ZEB1: variants seen among roughly 807,000 people sequenced by gnomAD.
ZEB1 encodes zinc finger E-box binding homeobox 1, also known as zinc finger E-box-binding homeobox 1.
ZEB1 carries 21 observed loss-of-function variants against 84.9 expected under a neutral mutation model. That is an observed-to-expected ratio of 0.25 (90% CI 0.18 to 0.36). The LOEUF (loss-of-function observed/expected upper bound fraction) is 0.36. Ranked by LOEUF, ZEB1 falls within the 10% of genes least tolerant of loss-of-function variation. The pLI is 1.00. For synonymous variants in ZEB1, 420 were observed against 471.1 expected (o/e 0.89, Z 1.41); for missense variants, 1,104 against 1,330.2 (o/e 0.83, Z 2.65).
chr10:31,448,423 A>G (rs1414474744), intron 1 of ZEB1, among the ~76,000 whole-genome samples: 66 of 145,682 alleles, frequency 4.5e-4, no homozygotes, highest in African/African-American at 1.4e-3. Context: ...CGTCAAAGTC[A>G]TTCTCCATCC....
At chr10:31,340,704 T>G (rs990835674) in intron 1 of ZEB1, among the ~76,000 whole-genome samples, 3 of 152,120 alleles carry the variant, frequency 2.0e-5, no homozygotes, top group African/African-American at 7.2e-5. Context: ...CAGACACTTG[T>G]ATAAAGCATG....
intron 1 of ZEB1, among the ~76,000 whole-genome samples, chr10:31,371,059 A>T (rs2045612349): frequency 6.6e-6 from 1 of 152,168 alleles, no homozygotes. Flanking sequence ...GAATATATTT[A>T]AGATTATATA....
intron 1 of ZEB1, among the ~76,000 whole-genome samples, chr10:31,340,870 G>A (rs1299042625): frequency 2.6e-5 from 4 of 151,886 alleles, no homozygotes; most frequent in African/African-American, 9.7e-5. Context: ...AGGGCCCAGG[G>A]GAATAGGAAG....
intron 3 of ZEB1, among the ~76,000 whole-genome samples, chr10:31,497,621 G>T (rs2067434783): frequency 6.6e-6 from 1 of 152,092 alleles, no homozygotes; most frequent in South Asian, 2.1e-4. Context: ...CTTTGCTTTT[G>T]TTACTTCCTT....
chr10:31,446,603 G>A (rs1417121613), intron 1 of ZEB1, among the ~76,000 whole-genome samples: 1 of 151,578 alleles, frequency 6.6e-6, no homozygotes, highest in East Asian at 1.9e-4. Flanking sequence ...AGAGATTCTG[G>A]TATGTTGTGT....
At chr10:31,449,888 G>A (rs546300052) in intron 1 of ZEB1, among the ~76,000 whole-genome samples, 28 of 152,254 alleles carry the variant, frequency 1.8e-4, no homozygotes, top group Non-Finnish European at 3.7e-4. Flanking sequence ...TCATCATTGT[G>A]ATAACCATGT....
chr10:31,360,694 GT>G (rs1564580084), intron 1 of ZEB1, among the ~76,000 whole-genome samples: 1 of 152,154 alleles, frequency 6.6e-6, no homozygotes, highest in Non-Finnish European at 1.5e-5. Flanking sequence ...ATGGAAAACA[GT>G]TTTTTTATCC....
At chr10:31,341,332 A>C (rs2133586403) in intron 1 of ZEB1, among the ~76,000 whole-genome samples, 1 of 152,104 alleles carries the variant, frequency 6.6e-6, no homozygotes, top group East Asian at 1.9e-4. Context: ...ATAAATAGTA[A>C]ATTTAGTAGG....
chr10:31,466,431 A>G (rs1476330197), intron 2 of ZEB1, among the ~76,000 whole-genome samples: 1 of 152,266 alleles, frequency 6.6e-6, no homozygotes. Flanking sequence ...CAACAGTGGC[A>G]TGAAACCATA....
intron 1 of ZEB1, among the ~76,000 whole-genome samples, chr10:31,410,802 T>C (rs2054094707): frequency 6.6e-6 from 1 of 152,218 alleles, no homozygotes; most frequent in Non-Finnish European, 1.5e-5. Context: ...TAGAGGTGTT[T>C]ATAGTATTCT....
At chr10:31,325,902 T>A (rs2035372686) in intron 1 of ZEB1, among the ~76,000 whole-genome samples, 1 of 151,708 alleles carries the variant, frequency 6.6e-6, no homozygotes, top group African/African-American at 2.4e-5. Flanking sequence ...ATATTCTGAT[T>A]TCCCTTACTC....
At chr10:31,422,181 G>A (rs1050879194) in intron 1 of ZEB1, among the ~76,000 whole-genome samples, 3 of 152,266 alleles carry the variant, frequency 2.0e-5, no homozygotes, top group African/African-American at 7.2e-5. Flanking sequence ...TTTTCATCTT[G>A]AAGCCCTGTA....
At chr10:31,323,898 C>G (rs960092883) in intron 1 of ZEB1, among the ~76,000 whole-genome samples, 1 of 151,530 alleles carries the variant, frequency 6.6e-6, no homozygotes, top group African/African-American at 2.4e-5. Flanking sequence ...TTATCTTGAA[C>G]TAAGTAGGTA....
chr10:31,473,185 C>G (rs902996079), intron 2 of ZEB1, among the ~76,000 whole-genome samples: 11 of 151,286 alleles, frequency 7.3e-5, no homozygotes, highest in Non-Finnish European at 1.6e-4. Flanking sequence ...TCCTATTCAA[C>G]ATAGTGTTGG....
intron 5 of ZEB1, among the ~76,000 whole-genome samples, chr10:31,512,678 T>C (rs1486814285): frequency 6.6e-6 from 1 of 152,172 alleles, no homozygotes; most frequent in Non-Finnish European, 1.5e-5. Context: ...GTCCCTGATA[T>C]TAGGGACCAT....
intron 1 of ZEB1, among the ~76,000 whole-genome samples, chr10:31,386,936 A>G (rs1216546322): frequency 6.6e-6 from 1 of 152,180 alleles, no homozygotes; most frequent in Admixed American, 6.5e-5. Flanking sequence ...TTTGGGTCTA[A>G]GGAGTAATAT....
At chr10:31,442,976 G>C (rs559054937) in intron 1 of ZEB1, among the ~76,000 whole-genome samples, 7 of 152,152 alleles carry the variant, frequency 4.6e-5, no homozygotes, top group Non-Finnish European at 8.8e-5. Context: ...TTGAAGTATA[G>C]AGGGACTGAG....
At chr10:31,482,922 T>C (rs1430720454) in intron 2 of ZEB1, among the ~76,000 whole-genome samples, 1 of 152,048 alleles carries the variant, frequency 6.6e-6, no homozygotes, top group Non-Finnish European at 1.5e-5. Context: ...ATGTCAGATA[T>C]CTTGCCCCAA....
intron 2 of ZEB1, among the ~76,000 whole-genome samples, chr10:31,489,237 T>G (rs1011968257): frequency 6.6e-6 from 1 of 151,440 alleles, no homozygotes; most frequent in Admixed American, 6.6e-5. Flanking sequence ...TCTCTGATAA[T>G]TTTCTTATCA....
Sources: allele counts gnomAD v4.1 joint callset (sites outside exome capture counted in the v4.1 genomes callset), GRCh38; gene constraint gnomAD v4.1.1; transcripts MANE v1.5; gene names NCBI Gene and HGNC (gene_info 2026-07-23, HGNC 2026-07-21).